TAB3: variants seen among roughly 807,000 people sequenced by gnomAD.
TAB3 encodes the protein TGF-beta-activated kinase 1 and MAP3K7-binding protein 3.
Under a neutral mutation model 48.1 loss-of-function variants are expected in TAB3, and 18 were observed. The observed-to-expected ratio is 0.37, with a 90% confidence interval of 0.26 to 0.55. The LOEUF (loss-of-function observed/expected upper bound fraction) is 0.55. TAB3 is among the 20% of genes least tolerant of loss of function. The pLI is 0.78. For missense variants in TAB3, 414 were observed against 549.8 expected, an observed-to-expected ratio of 0.75 and a Z score of 2.47; for synonymous variants, 185 against 190.2, an observed-to-expected ratio of 0.97 and a Z score of 0.22.
intron 1 of TAB3, among the ~76,000 whole-genome samples, chrX:30,883,192 T>C (rs1230575226): frequency 9.0e-6 from 1 of 111,583 alleles, no homozygotes; most frequent in African/African-American, 3.3e-5. Flanking sequence ...TCTGAAACCA[T>C]TCCTCAGTAG....
At chrX:30,883,079 G>A (rs1158064956) in intron 1 of TAB3, among the ~76,000 whole-genome samples, 3 of 111,255 alleles carry the variant, frequency 2.7e-5, no homozygotes, top group Non-Finnish European at 5.7e-5. Context: ...GCCTAAATGG[G>A]GAAATGGAGT....
intron 4 of TAB3, among the ~76,000 whole-genome samples, chrX:30,863,176 A>T (rs918487988): frequency 1.2e-4 from 13 of 112,193 alleles, no homozygotes; most frequent in Non-Finnish European, 3.8e-5. Context: ...ATGTAATCTT[A>T]ATAGTGGTTA....
rs1264792874 is a variant in TAB3, at chrX:30,830,359, T to C, written c.*1068A>G. 1 of 112,121 alleles carries C rather than the reference T, an allele frequency of 8.9e-6. No homozygotes were observed. The highest frequency in any genetic ancestry group is 1.9e-5 in the Non-Finnish European group (1 of 53,155). 9.2% of individuals were successfully genotyped at this position (112,121 alleles called of 1,213,427 possible). On this transcript the variant is annotated 3_prime_UTR_variant, in exon 11 of 11. Coordinates refer to ENST00000288422, the MANE Select transcript of TAB3 (RefSeq NM_152787.5). ...GTTAACATATGCAAGTAAGTTTTTA[T>C]TGAACAGTTAATATTGATTTCAGCT...
At chrX:30,840,931 C>A (rs755018465) in intron 9 of TAB3, among the ~76,000 whole-genome samples, 1 of 112,024 alleles carries the variant, frequency 8.9e-6, no homozygotes, top group Non-Finnish European at 1.9e-5. Flanking sequence ...TAAAGTTTGT[C>A]TGGCGATACT....
chrX:30,874,522 G>A (rs950687963), intron 1 of TAB3, among the ~76,000 whole-genome samples: 7 of 111,977 alleles, frequency 6.3e-5, no homozygotes, highest in South Asian at 3.7e-4. Flanking sequence ...CAAATAAAAC[G>A]TTCAAATGTC....
rs766536507 is a variant in TAB3 at position 30,848,210 on chromosome X, C to T, written c.1711-1566G>A. Among the ~76,000 whole-genome samples the T allele has an allele frequency of 7.2e-5, 8 of 111,602 alleles. No individual in the cohort carries two copies. The Admixed American group carries it at 7.6e-4, about 11-fold the overall frequency. On this transcript the variant is annotated intron_variant, in intron 7 of 10. Transcript: ENST00000288422. ...CCAAAACAGTGAAGCAGCCACCACACAGTTGCTCGTAACGAAAACATACTT... is the reference window on the plus strand; with the variant it reads ...CCAAAACAGTGAAGCAGCCACCACATAGTTGCTCGTAACGAAAACATACTT...
At chrX:30,873,376 T>A (rs1424232560) in intron 1 of TAB3, among the ~76,000 whole-genome samples, 1 of 108,203 alleles carries the variant, frequency 9.2e-6, no homozygotes, top group Non-Finnish European at 1.9e-5. Flanking sequence ...ATACAAAAAA[T>A]TAGCCGGGCG....
In TAB3 at chrX:30,855,331, C is replaced by T; in HGVS notation, c.334G>A (p.Ala112Thr). 2 of 1,211,501 alleles carry T rather than the reference C, an allele frequency of 1.7e-6. No homozygotes were observed. The highest frequency in any genetic ancestry group is 2.2e-6 in the Non-Finnish European group (2 of 895,433). The change falls in exon 6 of 11, where the codon GCA becomes ACA. Residue 112 changes from alanine to threonine, a missense_variant. Ala to Thr is a moderately conservative substitution (Grantham distance 58, BLOSUM62 0). Transcript: ENST00000288422. The part of the protein sequence containing the change: ...SSDGHIDPQH[A>T]AGKQLICLVQ... ...AAACATATCAGCTGTTTACCTGCTG[C>T]ATGCTGAGGATCAATATGTCCATCA...
intron 1 of TAB3, among the ~76,000 whole-genome samples, chrX:30,873,338 C>A (rs1033326648): frequency 1.8e-5 from 2 of 108,287 alleles, no homozygotes; most frequent in Admixed American, 9.7e-5. Flanking sequence ...GAGATCGAGA[C>A]CACGGTGAAA....
intron 7 of TAB3, among the ~76,000 whole-genome samples, chrX:30,851,039 G>A (rs1031231915): frequency 6.3e-5 from 7 of 111,524 alleles, no homozygotes; most frequent in African/African-American, 2.0e-4. Context: ...AATATCTTCC[G>A]CAATCAGAGG....
At position 30,862,690 on chromosome X, in the gene TAB3, T is replaced by C. The variant is rs1174523131; in HGVS notation, c.-90-3012A>G. ...GCCCTCAAAGGTAGTTATGATTATC[T>C]CCATTTTACAAATAAGAAAATGAAC... On this transcript the variant is annotated intron_variant, in intron 4 of 10. Transcript: ENST00000288422. 2.7e-5 allele frequency among the ~76,000 whole-genome samples: 3 copies of C among 111,939 alleles called. No individual in the cohort carries two copies. The Admixed American group carries it at 2.8e-4, about 11-fold the overall frequency.
intron 1 of TAB3, among the ~76,000 whole-genome samples, chrX:30,887,717 T>G (rs1255905914): frequency 8.9e-6 from 1 of 112,638 alleles, no homozygotes; most frequent in Non-Finnish European, 1.9e-5. Context: ...TAGCTCTGTT[T>G]GCTCCAACAA....
At chrX:30,847,585 G>A (rs1601809659) in intron 7 of TAB3, among the ~76,000 whole-genome samples, 4 of 109,175 alleles carry the variant, frequency 3.7e-5, no homozygotes, top group African/African-American at 1.0e-4. Context: ...CTTTCAGCAC[G>A]GCCCAGGTAT....
intron 7 of TAB3, among the ~76,000 whole-genome samples, chrX:30,851,161 T>C (rs1286634134): frequency 2.7e-5 from 3 of 112,220 alleles, no homozygotes; most frequent in Non-Finnish European, 5.6e-5. Context: ...GTAGTTAAAA[T>C]CTTCCTCCTC....
intron 10 of TAB3, among the ~76,000 whole-genome samples, chrX:30,832,167 G>A (rs1043184344): frequency 1.8e-4 from 20 of 112,086 alleles, no homozygotes; most frequent in Non-Finnish European, 2.3e-4. Context: ...AATTCATTCA[G>A]TATAAAAGAC....
rs371082636 is a variant in TAB3 at position 30,875,202 on chromosome X, C to G, written c.-382-3401G>C. On this transcript the variant is annotated intron_variant, in intron 1 of 10. Coordinates refer to ENST00000288422, the MANE Select transcript of TAB3 (RefSeq NM_152787.5). ...GCATATGCAGGCAAGAGTTACCTGG[C>G]CATTATAGCTGAAACACAATGCTGT... is the stretch of plus-strand genomic sequence containing the variant. 2.5e-4 allele frequency among the ~76,000 whole-genome samples: 28 copies of G among 112,154 alleles called. No homozygotes were observed. In the East Asian group the frequency reaches 6.5e-3, roughly 26 times the overall value.
chrX:30,834,540 A>G (rs1473935847), intron 9 of TAB3: 1 of 121,528 alleles, frequency 8.2e-6, no homozygotes, highest in Non-Finnish European at 1.7e-5. Flanking sequence ...TTTAAAAATT[A>G]TTTTAAAATT....
At chrX:30,863,291 A>G (rs1312162471) in intron 4 of TAB3, among the ~76,000 whole-genome samples, 1 of 112,591 alleles carries the variant, frequency 8.9e-6, no homozygotes, top group Non-Finnish European at 1.9e-5. Context: ...TAATTTTTTG[A>G]TAACTATATC....
chrX:30,846,494 A>G, intron 8 of TAB3, 57 bp downstream of exon 8: 1 of 869,295 alleles, frequency 1.2e-6, no homozygotes, highest in South Asian at 2.7e-5. Flanking sequence ...ATTGCTATTT[A>G]AGCAGCTTAA....
Sources: gnomAD v4.1 joint callset for allele counts (sites outside exome capture counted in the v4.1 genomes callset) on GRCh38, gnomAD v4.1.1 for gene constraint, MANE v1.5 for transcripts, NCBI Gene and HGNC (gene_info 2026-07-23, HGNC 2026-07-21) for gene names.